The following EPHB1 variants were observed in gnomAD, a reference collection of about 807,000 sequenced individuals.
EPHB1 encodes ephrin type-B receptor 1.
A neutral mutation model predicts 94.4 loss-of-function variants in EPHB1; 30 were observed. The ratio of observed to expected loss-of-function variants is 0.32; its 90% CI spans 0.24 to 0.43. EPHB1 has a LOEUF of 0.43. Ranked by LOEUF, EPHB1 falls within the 20% of genes least tolerant of loss-of-function variation. EPHB1 has a pLI of 1.00. For synonymous variants in EPHB1, 522 were observed against 489.1 expected (o/e 1.07, Z -0.89); for missense variants, 1,055 against 1,308.3 (o/e 0.81, Z 2.99).
chr3:134,817,781 G>A (rs1174945173), intron 1 of EPHB1, among the ~76,000 whole-genome samples: 1 of 152,238 alleles, frequency 6.6e-6, no homozygotes, highest in Non-Finnish European at 1.5e-5. Flanking sequence ...TCTTATAATG[G>A]TGGTTACGAT....
At position 135,176,131 on chromosome 3, in the gene EPHB1, C is replaced by T. The variant is rs149350706; in HGVS notation, c.1760-3729C>T. Among the ~76,000 whole-genome samples the T allele has an allele frequency of 1.1e-4, 17 of 152,174 alleles. No individual in the cohort carries two copies. The East Asian group carries it at 2.3e-3, about 21-fold the overall frequency. ...GAAGATGCGTCATTCTGAGATGAGG[C>T]GGATACAGGGGAGCCCTTACGTGCT... On this transcript the variant is annotated intron_variant, in intron 9 of 15. Coordinates refer to ENST00000398015, the MANE Select transcript of EPHB1 (RefSeq NM_004441.5).
intron 4 of EPHB1, among the ~76,000 whole-genome samples, chr3:135,121,467 T>C (rs1455105925): frequency 1.3e-5 from 2 of 152,222 alleles, no homozygotes; most frequent in Admixed American, 1.3e-4. Context: ...CCTATTCCTC[T>C]GTTGTGCCAA....
At chr3:134,822,994 T>C (rs753056232) in intron 1 of EPHB1, among the ~76,000 whole-genome samples, 10 of 152,146 alleles carry the variant, frequency 6.6e-5, no homozygotes, top group Non-Finnish European at 1.2e-4. Context: ...TGATAATGCT[T>C]AGCCTTTGGA....
rs1015373128 is a variant in EPHB1 at position 135,121,360 on chromosome 3, A to C, written c.962-11354A>C. ...CTCTGGGCTGTATCAGGATATGCTA[A>C]ATCAAACGAGTAGTTTTGGGTGGTT... is the stretch of plus-strand genomic sequence containing the variant. On this transcript the variant is annotated intron_variant, in intron 4 of 15. Transcript: ENST00000398015. Among the ~76,000 whole-genome samples the C allele has an allele frequency of 3.9e-5, 6 of 152,224 alleles. No individual in the cohort carries two copies. The East Asian group carries it at 9.6e-4, about 24-fold the overall frequency.
chr3:134,932,238 T>C (rs1398928933), intron 2 of EPHB1, among the ~76,000 whole-genome samples: 1 of 152,162 alleles, frequency 6.6e-6, no homozygotes, highest in African/African-American at 2.4e-5. Flanking sequence ...ACGAGCTACA[T>C]GCCCATGAGT....
chr3:135,165,513 G>T (rs1576439218), intron 7 of EPHB1, among the ~76,000 whole-genome samples: 1 of 152,338 alleles, frequency 6.6e-6, no homozygotes, highest in East Asian at 1.9e-4. Context: ...GGTAGTGCTG[G>T]CTGACTGCGG....
At chr3:134,965,210 G>A (rs1933685249) in intron 3 of EPHB1, among the ~76,000 whole-genome samples, 1 of 152,102 alleles carries the variant, frequency 6.6e-6, no homozygotes, top group Non-Finnish European at 1.5e-5. Context: ...ATTATTTCAA[G>A]CCTCCCTTTT....
At chr3:135,176,948 C>G (rs528785193) in intron 9 of EPHB1, among the ~76,000 whole-genome samples, 2 of 152,100 alleles carry the variant, frequency 1.3e-5, no homozygotes, top group East Asian at 1.9e-4. Context: ...TAACCCTAAG[C>G]GGCTTACAAC....
At chr3:134,966,152 TTCTC>T (rs1465298117) in intron 3 of EPHB1, among the ~76,000 whole-genome samples, 1 of 152,180 alleles carries the variant, frequency 6.6e-6, no homozygotes, top group East Asian at 1.9e-4. Context: ...ACTCTCCTCC[TTCTC>T]TCTGTCTTTG....
intron 1 of EPHB1, among the ~76,000 whole-genome samples, chr3:134,836,320 CTTG>C (rs1188546807): frequency 6.6e-6 from 1 of 152,186 alleles, no homozygotes; most frequent in African/African-American, 2.4e-5. Flanking sequence ...ATTTAAACTC[CTTG>C]TTTTCCATAA....
intron 6 of EPHB1, among the ~76,000 whole-genome samples, chr3:135,159,197 A>G (rs979764028): frequency 1.3e-5 from 2 of 152,120 alleles, no homozygotes; most frequent in Non-Finnish European, 2.9e-5. Context: ...AATAATAATA[A>G]AAAAAAGCAA....
chr3:135,201,731 G>A, intron 12 of EPHB1, 42 bp downstream of exon 12: 2 of 1,580,368 alleles, frequency 1.3e-6, no homozygotes, highest in Non-Finnish European at 1.7e-6. Flanking sequence ...CATGGCATGA[G>A]TTAAAGGGGA....
In EPHB1 at chr3:135,192,613, G is replaced by A. The variant is rs1223157772; in HGVS notation, c.1920G>A (p.Leu640=). ...FGEVYKGRLK[L]PGKREIYVAI... The stretch of plus-strand genomic sequence containing the variant: ...AAGTGTACAAGGGGCGTTTGAAACT[G>A]CCAGGCAAGAGGGAAATCTACGTGG... Residue 640 remains leucine (L), a synonymous_variant, in exon 11 of 16, where the codon CTG becomes CTA. Coordinates refer to ENST00000398015, the MANE Select transcript of EPHB1 (RefSeq NM_004441.5). 2 of 1,613,932 alleles carry A rather than the reference G, an allele frequency of 1.2e-6. No homozygotes were observed. The highest frequency in any genetic ancestry group is 2.2e-5 in the South Asian group (2 of 91,068).
At chr3:134,855,379 C>T (rs1362383579) in intron 1 of EPHB1, among the ~76,000 whole-genome samples, 1 of 152,116 alleles carries the variant, frequency 6.6e-6, no homozygotes, top group Non-Finnish European at 1.5e-5. Flanking sequence ...TGCCTCTGGT[C>T]CTTGAGGGGG....
At chr3:135,094,448 C>T (rs542619964) in intron 3 of EPHB1, among the ~76,000 whole-genome samples, 3 of 152,288 alleles carry the variant, frequency 2.0e-5, no homozygotes, top group South Asian at 2.1e-4. Context: ...TGCTGTTTCT[C>T]CTGGGGCTGG....
intron 1 of EPHB1, among the ~76,000 whole-genome samples, chr3:134,921,552 A>G (rs949147221): frequency 1.3e-5 from 2 of 152,212 alleles, no homozygotes; most frequent in African/African-American, 2.4e-5. Context: ...ATCAATTTAT[A>G]TGCATTGTTG....
chr3:135,154,167 C>T lies in EPHB1; in HGVS notation c.1313C>T (p.Pro438Leu). Residue 438 changes from proline to leucine, a missense_variant, in exon 6 of 16, where the codon CCC (proline) becomes CTC (leucine). Pro to Leu is a moderately conservative substitution (Grantham distance 98, BLOSUM62 -3). Transcript: ENST00000398015. ...TTNQAAPSTVPIMHQVSATMR... is the reference protein window; with the variant it reads ...TTNQAAPSTVLIMHQVSATMR... Reference sequence around the variant, plus strand: ...CTCTCCACAGCCCCCTCCACCGTTCCCATCATGCACCAAGTCAGTGCCACT... The same window carrying T: ...CTCTCCACAGCCCCCTCCACCGTTCTCATCATGCACCAAGTCAGTGCCACT... 1.9e-6 allele frequency: 3 copies of T among 1,614,020 alleles called. No individual in the cohort carries two copies. Among genetic ancestry groups the T allele is most frequent in the Non-Finnish European group, 2.5e-6 (3 of 1,179,872 alleles).
chr3:134,843,481 T>G (rs1376855895), intron 1 of EPHB1, among the ~76,000 whole-genome samples: 1 of 152,196 alleles, frequency 6.6e-6, no homozygotes, highest in Non-Finnish European at 1.5e-5. Context: ...TTTCCCCTTT[T>G]CTCTTTCCTA....
intron 3 of EPHB1, among the ~76,000 whole-genome samples, chr3:134,992,094 A>ATTGGCTT (rs1934826060): frequency 6.6e-6 from 1 of 152,056 alleles, no homozygotes; most frequent in South Asian, 2.1e-4. Flanking sequence ...GTGAGGAAAA[A>ATTGGCTT]TTGGCTTTCC....
Sources: gnomAD v4.1 joint callset for allele counts (sites outside exome capture counted in the v4.1 genomes callset) on GRCh38, gnomAD v4.1.1 for gene constraint, MANE v1.5 for transcripts, NCBI Gene and HGNC (gene_info 2026-07-23, HGNC 2026-07-21) for gene names.